Variants in PIGL observed in about 807,000 individuals in gnomAD.
PIGL encodes the protein N-acetylglucosaminyl-phosphatidylinositol de-N-acetylase.
Under a neutral mutation model 31.1 loss-of-function variants are expected in PIGL, and 22 were observed. The observed-to-expected ratio is 0.71, with a 90% CI of 0.51 to 1.01. The LOEUF is 1.01. PIGL is among the 50% of genes least tolerant of loss of function. The pLI is 0.00. For synonymous variants in PIGL, 131 were observed against 117.4 expected (o/e 1.12, Z -0.75); for missense variants, 302 against 315.9 (o/e 0.96, Z 0.33).
At chr17:16,253,220 C>T (rs943831544) in intron 2 of PIGL, among the ~76,000 whole-genome samples, 3 of 152,132 alleles carry the variant, frequency 2.0e-5, no homozygotes, top group Non-Finnish European at 4.4e-5. Context: ...CACCATTGCA[C>T]TCCAGCCTGG....
intron 5 of PIGL, chr17:16,317,406 C>A: frequency 1.0e-6 from 1 of 997,952 alleles, no homozygotes; most frequent in Non-Finnish European, 1.2e-6. Context: ...AGGGACTTTG[C>A]CAAGTCTGTC....
chr17:16,287,096 G>A (rs1261494674), intron 2 of PIGL, among the ~76,000 whole-genome samples: 2 of 152,164 alleles, frequency 1.3e-5, no homozygotes, highest in African/African-American at 4.8e-5. Flanking sequence ...TGGTGGTGTG[G>A]GTCCCTGGGG....
At chr17:16,293,753 C>A (rs763895467) in intron 2 of PIGL, among the ~76,000 whole-genome samples, 2 of 152,070 alleles carry the variant, frequency 1.3e-5, no homozygotes, top group African/African-American at 4.8e-5. Flanking sequence ...TACCATGTAC[C>A]ACCTAAGAAA....
At position 16,239,551 on chromosome 17, in the gene PIGL, T is replaced by C. The variant is rs547245078; in HGVS notation, c.335+5481T>C. On this transcript the variant is annotated intron_variant, in intron 2 of 6. Coordinates refer to ENST00000225609, the MANE Select transcript of PIGL (RefSeq NM_004278.4). ...AAGTTTAGGTGAGCTGTGAACAAAT[T>C]AGCTTTGGCAAAACATATATCTCTT... Among the ~76,000 whole-genome samples, 32 of 152,234 alleles carry C rather than the reference T, an allele frequency of 2.1e-4. No homozygotes were observed. The South Asian group carries it at 6.6e-3, about 32-fold the overall frequency.
chr17:16,217,244 C>A lies in PIGL; in HGVS notation c.18C>A (p.Leu6=). The change falls in exon 1 of 7, where the codon CTC becomes CTA. Residue 6 remains leucine, a synonymous_variant. Coordinates refer to ENST00000225609, the MANE Select transcript of PIGL (RefSeq NM_004278.4). ...TACCCATCATGGAAGCAATGTGGCTCCTGTGTGTGGCGTTGGCGGTCTTGG... is the reference window on the plus strand; with the variant it reads ...TACCCATCATGGAAGCAATGTGGCTACTGTGTGTGGCGTTGGCGGTCTTGG... MEAMW[L]LCVALAVLAW... 1 of 1,614,114 alleles carries A rather than the reference C, an allele frequency of 6.2e-7. No individual in the cohort carries two copies. The highest frequency in any genetic ancestry group is 8.5e-7 in the Non-Finnish European group (1 of 1,179,996).
intron 2 of PIGL, among the ~76,000 whole-genome samples, chr17:16,271,004 A>G (rs968869844): frequency 1.3e-5 from 2 of 152,192 alleles, no homozygotes; most frequent in African/African-American, 2.4e-5. Context: ...TGACTGCTCA[A>G]TTCAACAATG....
chr17:16,221,870 C>T (rs766897551), intron 1 of PIGL, among the ~76,000 whole-genome samples: 1 of 152,120 alleles, frequency 6.6e-6, no homozygotes, highest in Non-Finnish European at 1.5e-5. Context: ...TCGCCCACCT[C>T]GGCCTCCCAG....
chr17:16,322,025 C>CT (rs1399077307), intron 6 of PIGL, among the ~76,000 whole-genome samples: 3 of 152,112 alleles, frequency 2.0e-5, no homozygotes, highest in African/African-American at 7.2e-5. Context: ...CTCAGGTGAT[C>CT]GCCCACCTCA....
intron 1 of PIGL, among the ~76,000 whole-genome samples, chr17:16,233,708 G>C (rs1333739292): frequency 6.6e-6 from 1 of 152,118 alleles, no homozygotes. Context: ...CCTCTAGCAT[G>C]TGACTGAAAT....
chr17:16,250,528 ACAGT>A (rs1278115152), intron 2 of PIGL, among the ~76,000 whole-genome samples: 2 of 152,172 alleles, frequency 1.3e-5, no homozygotes, highest in Non-Finnish European at 2.9e-5. Flanking sequence ...GCAACACGCA[ACAGT>A]CAGTCTTTCA....
intron 2 of PIGL, among the ~76,000 whole-genome samples, chr17:16,268,230 T>C (rs1600802516): frequency 1.3e-5 from 2 of 152,078 alleles, no homozygotes; most frequent in Non-Finnish European, 2.9e-5. Context: ...GCATTATAGA[T>C]AGAAAACTCA....
At chr17:16,236,272 G>C (rs149960301) in intron 2 of PIGL, among the ~76,000 whole-genome samples, 1 of 152,100 alleles carries the variant, frequency 6.6e-6, no homozygotes, top group Non-Finnish European at 1.5e-5. Context: ...AGGAAATTAC[G>C]CGTTTTTATG....
chr17:16,254,750 G>T (rs1284113970), intron 2 of PIGL, among the ~76,000 whole-genome samples: 1 of 151,856 alleles, frequency 6.6e-6, no homozygotes, highest in Non-Finnish European at 1.5e-5. Flanking sequence ...GACTACAGGC[G>T]CCCACCACCA....
At chr17:16,293,471 T>C (rs993486747) in intron 2 of PIGL, among the ~76,000 whole-genome samples, 2 of 152,116 alleles carry the variant, frequency 1.3e-5, no homozygotes, top group African/African-American at 2.4e-5. Flanking sequence ...GAGGTTGCAG[T>C]GAGCCGAGAT....
intron 1 of PIGL, among the ~76,000 whole-genome samples, chr17:16,223,174 TC>T (rs2092636999): frequency 6.6e-6 from 1 of 152,208 alleles, no homozygotes; most frequent in Non-Finnish European, 1.5e-5. Context: ...CCAGTATTCC[TC>T]CAATTTATGT....
intron 2 of PIGL, among the ~76,000 whole-genome samples, chr17:16,289,958 T>G (rs1472982346): frequency 2.0e-5 from 3 of 152,078 alleles, no homozygotes. Flanking sequence ...GTGTTTTTAG[T>G]AGAGATGGGG....
At chr17:16,256,781 G>A (rs1201762223) in intron 2 of PIGL, among the ~76,000 whole-genome samples, 1 of 151,818 alleles carries the variant, frequency 6.6e-6, no homozygotes, top group East Asian at 1.9e-4. Flanking sequence ...TGCAGCCTCT[G>A]CCTCCTGGGC....
chr17:16,260,907 C>G (rs2092816664), intron 2 of PIGL, among the ~76,000 whole-genome samples: 1 of 151,952 alleles, frequency 6.6e-6, no homozygotes. Flanking sequence ...ATCAGGAGGT[C>G]AGGAGTTTGA....
chr17:16,274,261 C>T (rs189065098), intron 2 of PIGL, among the ~76,000 whole-genome samples: 39 of 152,070 alleles, frequency 2.6e-4, no homozygotes, highest in African/African-American at 9.4e-4. Flanking sequence ...AAGGTTGGAG[C>T]GTGTAAAGGA....
Sources: allele counts gnomAD v4.1 joint callset (sites outside exome capture counted in the v4.1 genomes callset), GRCh38; gene constraint gnomAD v4.1.1; transcripts MANE v1.5; gene names NCBI Gene and HGNC (gene_info 2026-07-23, HGNC 2026-07-21).